The following MAN2A1 variants were observed in gnomAD, a reference collection of about 807,000 sequenced individuals.
MAN2A1 encodes mannosidase alpha class 2A member 1.
A neutral mutation model predicts 142.6 loss-of-function variants in MAN2A1; 76 were observed. The observed-to-expected ratio is 0.53, with a 90% CI of 0.44 to 0.65. The LOEUF (loss-of-function observed/expected upper bound fraction) is 0.65. Ranked by LOEUF, MAN2A1 falls within the 30% of genes least tolerant of loss-of-function variation. MAN2A1 has a pLI of 0.00. For missense variants in MAN2A1, 1,311 were observed against 1,365.1 expected (o/e 0.96, Z 0.62); for synonymous variants, 559 against 473.2 (o/e 1.18, Z -2.35).
At chr5:109,794,676 C>T (rs1753817388) in intron 12 of MAN2A1, among the ~76,000 whole-genome samples, 1 of 152,076 alleles carries the variant, frequency 6.6e-6, no homozygotes, top group South Asian at 2.1e-4. Context: ...GACTCTTAAA[C>T]ACATAAAAAC....
chr5:109,732,461 G>A (rs534706889), intron 4 of MAN2A1, among the ~76,000 whole-genome samples: 84 of 152,288 alleles, frequency 5.5e-4, no homozygotes, highest in Non-Finnish European at 1.0e-3. Flanking sequence ...GAATGGTAAT[G>A]CCTAGGTTTT....
chr5:109,772,744 A>C (rs1208167159), intron 7 of MAN2A1, among the ~76,000 whole-genome samples: 1 of 152,122 alleles, frequency 6.6e-6, no homozygotes, highest in Non-Finnish European at 1.5e-5. Flanking sequence ...TCCTGGGGTC[A>C]AATGATCCTC....
Position 109,831,804 on chromosome 5 carries a change from C to CGTGTGT in MAN2A1, c.2566+7967_2566+7968insGTGTGT, listed in dbSNP as rs1554082232. 9.7e-4 allele frequency among the ~76,000 whole-genome samples: 144 copies of CGTGTGT among 148,478 alleles called. 1 individual carries two copies. The highest frequency in any genetic ancestry group is 9.1e-3 in the South Asian group (43 of 4,748). ...TTCATTACTTCTCTAAAACAAAAAT[C>CGTGTGT]ATGTGTGTGTGTGTGTGTGTGTGTG... On this transcript the variant is annotated intron_variant, in intron 16 of 21. Transcript: ENST00000261483.
Position 109,729,442 on chromosome 5 carries a change from T to G in MAN2A1, c.636T>G (p.Ile212Met), listed in dbSNP as rs375934083. The G allele has an allele frequency of 3.1e-6, 5 of 1,604,762 alleles. No individual in the cohort carries two copies. Among genetic ancestry groups the G allele is most frequent in the Admixed American group, 1.7e-5 (1 of 58,938 alleles). The change falls in exon 4 of 22, where the codon ATT (isoleucine) becomes ATG (methionine). Residue 212 changes from isoleucine (I) to methionine (M), a missense_variant. This residue lies in a region of MAN2A1 where 409 missense variants were observed against 412.7 expected (regional missense o/e 0.99). Transcript: ENST00000261483. ...KLKEDSRRKF[I>M]WSEISYLSKW... The stretch of plus-strand genomic sequence containing the variant: ...AAGAAGACTCACGGAGGAAGTTTAT[T>G]TGGTCTGAGATCTCTTACCTTTCAA...
chr5:109,812,041 G>T (rs1047473421), intron 12 of MAN2A1, among the ~76,000 whole-genome samples: 1 of 152,142 alleles, frequency 6.6e-6, no homozygotes, highest in African/African-American at 2.4e-5. Context: ...GTGATGATGT[G>T]CCAGGGTCCT....
rs2112529519 is a variant in MAN2A1, at chr5:109,690,414, G to GA, written c.1dup. ...GTGTCCTGGCCCCGAGTCTATCGAG[G>GA]AAAATGAAGTTAAGCCGCCAGTTCA... On this transcript the variant is annotated 5_prime_UTR_variant, in exon 1 of 22. Coordinates refer to ENST00000261483, the MANE Select transcript of MAN2A1 (RefSeq NM_002372.4). 1 of 1,613,970 alleles carries GA rather than the reference G, an allele frequency of 6.2e-7. No homozygotes were observed. Among genetic ancestry groups the GA allele is most frequent in the Non-Finnish European group, 8.5e-7 (1 of 1,179,936 alleles).
At chr5:109,713,848 G>C (rs1262006774) in intron 2 of MAN2A1, 74 bp downstream of exon 2, 8 of 1,401,258 alleles carry the variant, frequency 5.7e-6, no homozygotes, top group Non-Finnish European at 7.7e-6. Flanking sequence ...CCTGATGTCT[G>C]TTCTGACTTG....
chr5:109,729,592 G>T (rs989785593), intron 4 of MAN2A1, 79 bp downstream of exon 4: 3 of 727,034 alleles, frequency 4.1e-6, no homozygotes, highest in African/African-American at 1.8e-5. Flanking sequence ...ATTTTTAGAT[G>T]GTGAAAATTC....
At chr5:109,823,910 C>T in intron 16 of MAN2A1, 73 bp downstream of exon 16, 2 of 671,108 alleles carry the variant, frequency 3.0e-6, no homozygotes, top group South Asian at 2.9e-5. Context: ...TTATGCCATT[C>T]TTAAATTAAC....
At chr5:109,779,800 CTGTT>C (rs1185477550) in intron 8 of MAN2A1, among the ~76,000 whole-genome samples, 1 of 152,120 alleles carries the variant, frequency 6.6e-6, no homozygotes, top group Admixed American at 6.5e-5. Context: ...AGATCACTCT[CTGTT>C]TGGTGAAGCC....
chr5:109,835,415 T>G (rs925657613), intron 16 of MAN2A1, among the ~76,000 whole-genome samples: 3 of 152,230 alleles, frequency 2.0e-5, no homozygotes, highest in Non-Finnish European at 2.9e-5. Context: ...CCAGTATTTT[T>G]AAGACACTCA....
chr5:109,694,637 C>T (rs1348079212), intron 1 of MAN2A1, among the ~76,000 whole-genome samples: 1 of 150,792 alleles, frequency 6.6e-6, no homozygotes, highest in Non-Finnish European at 1.5e-5. Flanking sequence ...GTGTGATTCA[C>T]TGCTCCCAGT....
At chr5:109,787,798 A>G (rs984861741) in intron 10 of MAN2A1, among the ~76,000 whole-genome samples, 1 of 151,818 alleles carries the variant, frequency 6.6e-6, no homozygotes, top group Non-Finnish European at 1.5e-5. Flanking sequence ...TAACTGAACC[A>G]TATTCGTATG....
intron 4 of MAN2A1, among the ~76,000 whole-genome samples, chr5:109,735,468 C>T (rs537344084): frequency 2.6e-5 from 4 of 152,148 alleles, no homozygotes; most frequent in African/African-American, 9.7e-5. Context: ...TTCCTAGCCT[C>T]GATGGTCTTT....
intron 20 of MAN2A1, among the ~76,000 whole-genome samples, chr5:109,859,220 A>G (rs1755696250): frequency 6.6e-6 from 1 of 152,204 alleles, no homozygotes; most frequent in Admixed American, 6.5e-5. Context: ...GTGTGGCCTC[A>G]GAGGGTAGCA....
intron 12 of MAN2A1, among the ~76,000 whole-genome samples, chr5:109,810,651 C>G (rs1754291388): frequency 6.6e-6 from 1 of 152,206 alleles, no homozygotes; most frequent in South Asian, 2.1e-4. Context: ...AGACTTTCCA[C>G]TAGGTTTTGC....
intron 20 of MAN2A1, among the ~76,000 whole-genome samples, chr5:109,862,011 T>C (rs1403384188): frequency 1.3e-5 from 2 of 152,152 alleles, no homozygotes; most frequent in African/African-American, 4.8e-5. Context: ...ATTTCAAAGG[T>C]TGTTGTGCGA....
chr5:109,861,007 A>AT (rs1388188081), intron 20 of MAN2A1, among the ~76,000 whole-genome samples: 1 of 152,192 alleles, frequency 6.6e-6, no homozygotes, highest in African/African-American at 2.4e-5. Context: ...CTATGAGCAC[A>AT]AATTCATAGC....
chr5:109,831,016 A>G (rs1754892749), intron 16 of MAN2A1, among the ~76,000 whole-genome samples: 1 of 152,186 alleles, frequency 6.6e-6, no homozygotes, highest in African/African-American at 2.4e-5. Flanking sequence ...GGGCACAGGG[A>G]TGGGGGAAAC....
Sources: allele counts gnomAD v4.1 joint callset (sites outside exome capture counted in the v4.1 genomes callset), GRCh38; gene constraint gnomAD v4.1.1; regional missense constraint gnomAD v4.1.1; transcripts MANE v1.5; gene names NCBI Gene and HGNC (gene_info 2026-07-23, HGNC 2026-07-21).